The following CUX2 variants were observed in gnomAD, a reference collection of about 807,000 sequenced individuals.
The protein encoded by CUX2 is cut like homeobox 2, also known as homeobox protein cut-like 2.
Under a neutral mutation model 144.8 loss-of-function variants are expected in CUX2, and 40 were observed. The observed-to-expected ratio is 0.28, with a 90% CI of 0.21 to 0.36. The LOEUF (loss-of-function observed/expected upper bound fraction) is 0.36, where lower values mean the gene tolerates loss of function less well. CUX2 is among the 10% of genes least tolerant of loss of function. The pLI is 1.00. For synonymous variants in CUX2, 827 were observed against 875.6 expected (o/e 0.94, Z 0.98); for missense variants, 1,615 against 1,994.0 (o/e 0.81, Z 3.62).
intron 3 of CUX2, among the ~76,000 whole-genome samples, chr12:111,226,066 C>T (rs1199315847): frequency 1.3e-5 from 2 of 152,230 alleles, no homozygotes; most frequent in Non-Finnish European, 2.9e-5. Context: ...GCCTCAGTCT[C>T]CCAAGCAGCT....
chr12:111,328,859 A>G (rs1887944419), intron 18 of CUX2, among the ~76,000 whole-genome samples: 1 of 150,926 alleles, frequency 6.6e-6, no homozygotes, highest in South Asian at 2.1e-4. Context: ...AAGTGCTGGG[A>G]TTACAGGCAT....
chr12:111,334,649 C>T lies in CUX2; in HGVS notation c.3135C>T (p.Pro1045=), dbSNP rs767501976. 42 of 1,613,834 alleles carry T rather than the reference C, an allele frequency of 2.6e-5. No individual in the cohort carries two copies. The East Asian group carries it at 3.1e-4, about 12-fold the overall frequency. ...TCCAGGAGATCGTGGCCATGTCCCCCGAGCTGGACACGTACTCCATCACCA... is the reference window on the plus strand; with the variant it reads ...TCCAGGAGATCGTGGCCATGTCCCCTGAGCTGGACACGTACTCCATCACCA... The part of the protein sequence containing the change: ...GGIQEIVAMS[P]ELDTYSITKR... The change falls in exon 19 of 22, where the codon CCC becomes CCT. Residue 1045 remains proline (P), a synonymous_variant. Transcript: ENST00000261726.
In CUX2 at chr12:111,287,351, G is replaced by A. The variant is rs143705881; in HGVS notation, c.302-4067G>A. 1.6e-4 allele frequency among the ~76,000 whole-genome samples: 24 copies of A among 152,362 alleles called. No individual in the cohort carries two copies. The highest frequency in any genetic ancestry group is 7.8e-4 in the Admixed American group (12 of 15,314). On this transcript the variant is annotated intron_variant, in intron 4 of 21. Transcript: ENST00000261726. This position sits in a 1 kb window ranked among gnomAD's most constrained non-coding sequence, Gnocchi z 4.2. ...CCCTCCGTGGCCCTGCGCAGTCCGC[G>A]TGGCACCGCACCGTCTTGTGTTTGT...
intron 1 of CUX2, among the ~76,000 whole-genome samples, chr12:111,103,531 G>A (rs1337338197): frequency 6.6e-6 from 1 of 152,180 alleles, no homozygotes; most frequent in African/African-American, 2.4e-5. Flanking sequence ...ACATTTCTGT[G>A]CTCAGTGCTG....
intron 1 of CUX2, among the ~76,000 whole-genome samples, chr12:111,201,488 T>C (rs1306043696): frequency 1.3e-5 from 2 of 152,138 alleles, no homozygotes; most frequent in Non-Finnish European, 2.9e-5. Context: ...TCCCTCCTCC[T>C]CTAGTGCCTT....
In CUX2 at chr12:111,133,322, C is replaced by T. The variant is rs191416547; in HGVS notation, c.64-80878C>T. On this transcript the variant is annotated intron_variant, in intron 1 of 21. Coordinates refer to ENST00000261726, the MANE Select transcript of CUX2 (RefSeq NM_015267.4). ...CTATATTAGTTCGTTTTCACGCTGC[C>T]GATAAAGATGTACCCAAAACTGGGA... is the stretch of plus-strand genomic sequence containing the variant. Among the ~76,000 whole-genome samples the T allele has an allele frequency of 3.2e-4, 48 of 152,204 alleles. No homozygotes were observed. The East Asian group carries it at 8.7e-3, about 28-fold the overall frequency.
At chr12:111,063,604 A>C (rs1870888337) in intron 1 of CUX2, among the ~76,000 whole-genome samples, 1 of 152,192 alleles carries the variant, frequency 6.6e-6, no homozygotes, top group African/African-American at 2.4e-5. Flanking sequence ...CTGGTGCTCC[A>C]GTAACTCCAG....
intron 1 of CUX2, among the ~76,000 whole-genome samples, chr12:111,196,091 C>T (rs562674185): frequency 6.6e-6 from 1 of 152,180 alleles, no homozygotes; most frequent in Non-Finnish European, 1.5e-5. Flanking sequence ...CTGGTCGTTT[C>T]GTACAAATGG....
rs535099342 is a variant in CUX2 at position 111,295,604 on chromosome 12, A to G, written c.637+195A>G. Among the ~76,000 whole-genome samples the G allele has an allele frequency of 5.9e-5, 9 of 152,180 alleles. No homozygotes were observed. The highest frequency in any genetic ancestry group is 1.9e-4 in the African/African-American group (8 of 41,516). ...CCCCAGAGGCCACATTGCTGTGGAA[A>G]GAGGATTTGAGACAGAATTAATTCA... is the stretch of plus-strand genomic sequence containing the variant. On this transcript the variant is annotated intron_variant, in intron 7 of 21. Transcript: ENST00000261726. The surrounding 1 kb of genome is among the most constrained non-coding windows in gnomAD (Gnocchi z 5.0).
intron 1 of CUX2, among the ~76,000 whole-genome samples, chr12:111,195,651 C>T (rs1880192663): frequency 6.6e-6 from 1 of 152,180 alleles, no homozygotes; most frequent in South Asian, 2.1e-4. Context: ...CTTGGGTCTG[C>T]CATCTGTGAC....
intron 1 of CUX2, among the ~76,000 whole-genome samples, chr12:111,075,639 A>G (rs1194453596): frequency 6.6e-6 from 1 of 152,232 alleles, no homozygotes; most frequent in East Asian, 1.9e-4. Flanking sequence ...TTTGTGTGTC[A>G]TGCTGTCTTT....
At chr12:111,047,462 C>T (rs1870054088) in intron 1 of CUX2, among the ~76,000 whole-genome samples, 1 of 152,114 alleles carries the variant, frequency 6.6e-6, no homozygotes, top group African/African-American at 2.4e-5. Context: ...AGACCTTATA[C>T]TCATTGCTCT....
At chr12:111,139,866 C>A (rs767919833) in intron 1 of CUX2, among the ~76,000 whole-genome samples, 1 of 152,158 alleles carries the variant, frequency 6.6e-6, no homozygotes, top group African/African-American at 2.4e-5. Context: ...ACTTACAGGT[C>A]CAGATGTTAA....
At chr12:111,117,554 T>C (rs560610112) in intron 1 of CUX2, among the ~76,000 whole-genome samples, 1 of 152,236 alleles carries the variant, frequency 6.6e-6, no homozygotes, top group East Asian at 1.9e-4. Flanking sequence ...AATCCAGAAA[T>C]ATTTGACAAA....
At chr12:111,267,783 G>C (rs1357296069) in intron 4 of CUX2, among the ~76,000 whole-genome samples, 2 of 151,896 alleles carry the variant, frequency 1.3e-5, no homozygotes, top group African/African-American at 4.8e-5. Context: ...TGTCTCCTCT[G>C]TATCTTTGTC....
chr12:111,347,662 G>A lies in CUX2; in HGVS notation c.3798G>A (p.Glu1266=). The A allele has an allele frequency of 1.2e-6, 2 of 1,613,148 alleles. No individual in the cohort carries two copies. Among genetic ancestry groups the A allele is most frequent in the South Asian group, 1.1e-5 (1 of 90,998 alleles). ...PTPQSPDSET[E]DQKPTVKELE... Reference sequence around the variant, plus strand: ...CGCAGAGCCCTGACTCTGAGACTGAGGACCAGAAGCCAACCGTGAAGGAAC... The same window carrying A: ...CGCAGAGCCCTGACTCTGAGACTGAAGACCAGAAGCCAACCGTGAAGGAAC... The change falls in exon 22 of 22, where the codon GAG becomes GAA. Residue 1266 remains glutamate, a synonymous_variant. Transcript: ENST00000261726.
intron 18 of CUX2, among the ~76,000 whole-genome samples, chr12:111,324,957 A>G (rs539754014): frequency 6.6e-6 from 1 of 152,212 alleles, no homozygotes; most frequent in South Asian, 2.1e-4. Context: ...AATGATTTAA[A>G]AACTCCTCTC....
chr12:111,041,271 C>T (rs901203032), intron 1 of CUX2, among the ~76,000 whole-genome samples: 1 of 152,236 alleles, frequency 6.6e-6, no homozygotes, highest in South Asian at 2.1e-4. Flanking sequence ...GTGGGGCACA[C>T]AGTTGCTGCC....
chr12:111,035,889 C>T lies in CUX2; in HGVS notation c.63+1649C>T, dbSNP rs1030011977. 1.3e-5 allele frequency among the ~76,000 whole-genome samples: 2 copies of T among 152,074 alleles called. No homozygotes were observed. Among genetic ancestry groups the T allele is most frequent in the Non-Finnish European group, 2.9e-5 (2 of 68,026 alleles). On this transcript the variant is annotated intron_variant, in intron 1 of 21. Coordinates refer to ENST00000261726, the MANE Select transcript of CUX2 (RefSeq NM_015267.4). This position sits in a 1 kb window ranked among gnomAD's most constrained non-coding sequence, Gnocchi z 6.0. ...TGGCCAACTGAGACGGGCAGGGCTGCGAGCTGTGCCTGCCGGCTTAAATGA... is the reference window on the plus strand; with the variant it reads ...TGGCCAACTGAGACGGGCAGGGCTGTGAGCTGTGCCTGCCGGCTTAAATGA...
Sources: allele counts gnomAD v4.1 joint callset (sites outside exome capture counted in the v4.1 genomes callset), GRCh38; gene constraint gnomAD v4.1.1; non-coding constraint Gnocchi (gnomAD v3.1); transcripts MANE v1.5; gene names NCBI Gene and HGNC (gene_info 2026-07-23, HGNC 2026-07-21).